The following ABCC5 variants were observed in gnomAD, a reference collection of about 807,000 sequenced individuals.
ABCC5 encodes the protein ATP binding cassette subfamily C member 5.
In ABCC5, 61 loss-of-function variants were observed where a neutral mutation model predicts 160.9. The ratio of observed to expected loss-of-function variants is 0.38; its 90% CI spans 0.31 to 0.47. The LOEUF is 0.47. Ranked by LOEUF, ABCC5 falls within the 20% of genes least tolerant of loss-of-function variation. The pLI, the probability that ABCC5 is intolerant of heterozygous loss-of-function variation, is 0.99. For missense variants in ABCC5, 1,308 were observed against 1,813.3 expected (o/e 0.72, Z 5.06); for synonymous variants, 666 against 700.6 (o/e 0.95, Z 0.78).
At chr3:184,007,264 C>T (rs1400926632) in intron 2 of ABCC5, among the ~76,000 whole-genome samples, 2 of 151,576 alleles carry the variant, frequency 1.3e-5, no homozygotes, top group African/African-American at 2.4e-5. Context: ...TTGTGATCTG[C>T]CCGCCTCGGC....
chr3:183,983,362 T>C (rs1415159485), intron 5 of ABCC5: 3 of 256,256 alleles, frequency 1.2e-5, no homozygotes, highest in South Asian at 6.8e-5. Context: ...TACATTTGTT[T>C]ACATGAAATT....
chr3:183,966,338 T>C (rs2108826334), intron 12 of ABCC5, among the ~76,000 whole-genome samples: 2 of 152,008 alleles, frequency 1.3e-5, no homozygotes, highest in East Asian at 3.9e-4. Context: ...CCCCAGGGGG[T>C]CTACTGTGGA....
chr3:183,973,049 C>CTTTT (rs11289102), intron 10 of ABCC5, among the ~76,000 whole-genome samples: 5 of 108,400 alleles, frequency 4.6e-5, no homozygotes, highest in Non-Finnish European at 7.2e-5. Context: ...TTTGAATCCA[C>CTTTT]TTTTTTTTTT....
intron 17 of ABCC5, among the ~76,000 whole-genome samples, chr3:183,955,095 A>G (rs1300681630): frequency 6.6e-6 from 1 of 152,186 alleles, no homozygotes; most frequent in African/African-American, 2.4e-5. Flanking sequence ...GCCTCCCAGT[A>G]GCAGACGTCA....
intron 24 of ABCC5, 85 bp from the exon 25 acceptor site, chr3:183,943,001 C>T (rs1714512937): frequency 1.4e-6 from 2 of 1,408,744 alleles, no homozygotes; most frequent in African/African-American, 1.4e-5. Context: ...AAAACCAGGA[C>T]AACCATAGTA....
At chr3:183,946,817 T>C (rs1320826152) in intron 23 of ABCC5, among the ~76,000 whole-genome samples, 1 of 152,224 alleles carries the variant, frequency 6.6e-6, no homozygotes, top group African/African-American at 2.4e-5. Context: ...TTAAAATATC[T>C]AGTCAGTGCT....
chr3:183,970,439 CTT>C (rs66475303), intron 11 of ABCC5, among the ~76,000 whole-genome samples: 8 of 145,222 alleles, frequency 5.5e-5, no homozygotes, highest in Admixed American at 1.4e-4. Context: ...CCTCACCCAC[CTT>C]TTTTTTTTTT....
chr3:183,978,371 C>G, intron 9 of ABCC5, 132 bp downstream of exon 9: 2 of 1,018,530 alleles, frequency 2.0e-6, no homozygotes, highest in Non-Finnish European at 2.8e-6. Flanking sequence ...CTCTGTCCCC[C>G]AGGCTGGAGT....
intron 26 of ABCC5, among the ~76,000 whole-genome samples, chr3:183,935,266 C>T (rs773505377): frequency 3.3e-5 from 5 of 151,970 alleles, no homozygotes; most frequent in South Asian, 2.1e-4. Flanking sequence ...CTGTAACCTC[C>T]ACCTCCCAGG....
chr3:183,954,982 T>C (rs1715731845), intron 17 of ABCC5, among the ~76,000 whole-genome samples: 1 of 152,010 alleles, frequency 6.6e-6, no homozygotes, highest in African/African-American at 2.4e-5. Context: ...TGGCAATTGG[T>C]TGAAAGGGTT....
At chr3:184,010,755 G>A in intron 2 of ABCC5, 1 of 151,024 alleles carries the variant, frequency 6.6e-6, no homozygotes. Context: ...TTACCCATAT[G>A]CACTTCAAAT....
intron 2 of ABCC5, among the ~76,000 whole-genome samples, chr3:183,991,336 C>CA (rs1560041476): frequency 6.6e-6 from 1 of 151,368 alleles, no homozygotes; most frequent in Non-Finnish European, 1.5e-5. Context: ...AACAAACAAA[C>CA]AAAAAAACAA....
chr3:183,922,876 TC>T (rs1193273674), intron 29 of ABCC5, among the ~76,000 whole-genome samples: 5 of 151,780 alleles, frequency 3.3e-5, no homozygotes, highest in African/African-American at 1.2e-4. Context: ...TGAGCAGGCA[TC>T]CTGTACCAGC....
rs1362943627 is a variant in ABCC5, at chr3:184,005,908, T to A, written c.129+8356A>T. On this transcript the variant is annotated intron_variant, in intron 2 of 29. Coordinates refer to ENST00000334444, the MANE Select transcript of ABCC5 (RefSeq NM_005688.4). ...TTAACCAAATAAAGATTTAGGTACT[T>A]AAAAAAAAAAAAAACAGGAAGCTAA... is the stretch of plus-strand genomic sequence containing the variant. 4.8e-5 allele frequency among the ~76,000 whole-genome samples: 7 copies of A among 147,180 alleles called. No individual in the cohort carries two copies. The East Asian group carries it at 7.9e-4, about 17-fold the overall frequency.
rs1560005392 is a variant in ABCC5, at chr3:183,957,140, G to GTACATGCTTA, written c.2482+2592_2482+2593insTAAGCATGTA. Among the ~76,000 whole-genome samples the GTACATGCTTA allele has an allele frequency of 6.2e-4, 35 of 56,442 alleles. 1 individual carries two copies. The highest frequency in any genetic ancestry group is 2.1e-3 in the African/African-American group (33 of 15,716). 37.0% of individuals were successfully genotyped at this position (56,442 alleles called of 152,430 possible). On this transcript the variant is annotated intron_variant, in intron 17 of 29. Coordinates refer to ENST00000334444, the MANE Select transcript of ABCC5 (RefSeq NM_005688.4). ...TGTACATCACATCGGTTACATGCGG[G>GTACATGCTTA]TCCGTGTGTACATCACATCGGTTAC...
At position 183,949,728 on chromosome 3, in the gene ABCC5, G is replaced by T. The variant is rs768535399; in HGVS notation, c.3227+25C>A. On this transcript the variant is annotated intron_variant, in intron 22 of 29. Transcript: ENST00000334444. The surrounding 1 kb of genome is among the most constrained non-coding windows in gnomAD (Gnocchi z 4.2). The stretch of plus-strand genomic sequence containing the variant: ...GCTGGGATGCTGACTCCCCTTTGAG[G>T]CCTCTAGCCCCCATCAGGACAAACC... 1 of 1,610,690 alleles carries T rather than the reference G, an allele frequency of 6.2e-7. No homozygotes were observed. The highest frequency in any genetic ancestry group is 8.5e-7 in the Non-Finnish European group (1 of 1,178,462).
intron 27 of ABCC5, 75 bp downstream of exon 27, chr3:183,928,672 C>A: frequency 2.2e-6 from 3 of 1,350,808 alleles, no homozygotes; most frequent in South Asian, 2.4e-5. Context: ...CCAGAGCAGA[C>A]GGGGTGTGGC....
chr3:183,978,368 C>T, intron 9 of ABCC5, 135 bp downstream of exon 9: 1 of 976,668 alleles, frequency 1.0e-6, no homozygotes, highest in Non-Finnish European at 1.5e-6. Flanking sequence ...TTGCTCTGTC[C>T]CCCAGGCTGG....
intron 10 of ABCC5, 176 bp from the exon 11 acceptor site, chr3:183,972,095 G>A: frequency 7.5e-7 from 1 of 1,325,852 alleles, no homozygotes; most frequent in East Asian, 2.5e-5. Context: ...AGGGGTCACG[G>A]GAGTGTGGGG....
Sources: gnomAD v4.1 joint callset for allele counts (sites outside exome capture counted in the v4.1 genomes callset) on GRCh38, gnomAD v4.1.1 for gene constraint, Gnocchi (gnomAD v3.1) non-coding constraint, MANE v1.5 for transcripts, NCBI Gene and HGNC (gene_info 2026-07-23, HGNC 2026-07-21) for gene names.